The following MKKS variants were observed in gnomAD, a reference collection of about 807,000 sequenced individuals.
The protein encoded by MKKS is molecular chaperone MKKS.
A neutral mutation model predicts 33.2 loss-of-function variants in MKKS; 29 were observed. That is an observed-to-expected ratio of 0.87 (90% CI 0.65 to 1.19). The LOEUF is 1.19. Ranked by LOEUF, MKKS falls within the 50% of genes most tolerant of loss-of-function variation. The pLI is 0.00. For missense variants in MKKS, 661 were observed against 662.3 expected, an observed-to-expected ratio of 1.00 and a Z score of 0.02; for synonymous variants, 260 against 244.0, an observed-to-expected ratio of 1.07 and a Z score of -0.61.
At chr20:10,429,454 C>T (rs1170761841) in intron 1 of MKKS, among the ~76,000 whole-genome samples, 1 of 152,182 alleles carries the variant, frequency 6.6e-6, no homozygotes, top group Non-Finnish European at 1.5e-5. Context: ...CGTTCATCTC[C>T]AGCTTAGACC....
Position 10,405,333 on chromosome 20 carries a change from T to C in MKKS, c.1627A>G (p.Thr543Ala), listed in dbSNP as rs2064834059. ...SASNLTLDCL[T>A]AKLSGLQVAV... is the part of the protein sequence containing the mutation. ...ACCTGTAGGCCACTAAGCTTTGCAG[T>C]CAAACAGTCCAAGGTCAGGTTGCTG... is the stretch of plus-strand genomic sequence containing the variant. Residue 543 changes from threonine to alanine, a missense_variant, in exon 6 of 6, where the codon ACT (threonine) becomes GCT (alanine). Transcript: ENST00000347364. The C allele has an allele frequency of 6.2e-7, 1 of 1,614,138 alleles. No homozygotes were observed. The highest frequency in any genetic ancestry group is 8.5e-7 in the Non-Finnish European group (1 of 1,179,978).
intron 1 of MKKS, among the ~76,000 whole-genome samples, chr20:10,431,025 G>A (rs1002040513): frequency 8.5e-5 from 13 of 152,168 alleles, no homozygotes; most frequent in African/African-American, 3.1e-4. Context: ...TCAATGTCAT[G>A]ATCTGAAATA....
At chr20:10,414,941 T>C (rs2064926651) in intron 2 of MKKS, among the ~76,000 whole-genome samples, 1 of 152,160 alleles carries the variant, frequency 6.6e-6, no homozygotes, top group Non-Finnish European at 1.5e-5. Context: ...TTAATGACAG[T>C]ACATGCAAAA....
intron 1 of MKKS, among the ~76,000 whole-genome samples, chr20:10,430,318 A>T (rs915738815): frequency 2.0e-5 from 3 of 152,188 alleles, no homozygotes; most frequent in Non-Finnish European, 4.4e-5. Flanking sequence ...GTGGCCTTGG[A>T]TTAGTCACTT....
chr20:10,405,420 T>G lies in MKKS; in HGVS notation c.1540A>C (p.Arg514=). ...SQEELNWSFL[R]STRRPFVPQS... is the part of the protein sequence containing the mutation. ...GGCACAAATGGACGACGTGTGCTTC[T>G]TAAGAAAGACCAGTTGAGTTCTTCC... is the stretch of plus-strand genomic sequence containing the variant. Residue 514 remains arginine, a synonymous_variant, in exon 6 of 6, where the codon AGA becomes CGA. Transcript: ENST00000347364. 1 of 1,614,202 alleles carries G rather than the reference T, an allele frequency of 6.2e-7. No individual in the cohort carries two copies. The highest frequency in any genetic ancestry group is 8.5e-7 in the Non-Finnish European group (1 of 1,180,030).
At chr20:10,417,137 G>A (rs2122244984) in intron 2 of MKKS, among the ~76,000 whole-genome samples, 1 of 151,652 alleles carries the variant, frequency 6.6e-6, no homozygotes, top group South Asian at 2.1e-4. Context: ...TGTAATCCCA[G>A]TTACTCGGGA....
chr20:10,409,180 C>A (rs6104603), intron 3 of MKKS, among the ~76,000 whole-genome samples: 22,018 of 152,044 alleles, frequency 0.14, 1,789 homozygotes, highest in East Asian at 0.24. Flanking sequence ...ATTTGGATTA[C>A]GGGTGATGTG....
chr20:10,427,831 T>C (rs188361219), intron 1 of MKKS, among the ~76,000 whole-genome samples: 44 of 152,300 alleles, frequency 2.9e-4, no homozygotes, highest in African/African-American at 9.9e-4. Flanking sequence ...TGGATCATAA[T>C]TGAGTTCTAA....
rs1041799190 is a variant in MKKS at position 10,401,496 on chromosome 20, C to T, written c.*3751G>A. On this transcript the variant is annotated 3_prime_UTR_variant, in exon 6 of 6. Coordinates refer to ENST00000347364, the MANE Select transcript of MKKS (RefSeq NM_170784.3). The stretch of plus-strand genomic sequence containing the variant: ...GGGCCTTGTAGGAGATGTTTAGTCT[C>T]TTTGACTATTCCCCAAAGATTATCA... 6 of 152,110 alleles carry T rather than the reference C, an allele frequency of 3.9e-5. No individual in the cohort carries two copies. Among genetic ancestry groups the T allele is most frequent in the Admixed American group, 3.9e-4 (6 of 15,268 alleles). 9.4% of individuals were successfully genotyped at this position (152,110 alleles called of 1,614,324 possible).
rs1015205694 is a variant in MKKS, at chr20:10,402,509, T to C, written c.*2738A>G. On this transcript the variant is annotated 3_prime_UTR_variant, in exon 6 of 6. Transcript: ENST00000347364. ...TATATTTTAACGAATTTGTGATATA[T>C]TCAAAATAAGAGCATTGATGTTTCA... 4 of 152,196 alleles carry C rather than the reference T, an allele frequency of 2.6e-5. No individual in the cohort carries two copies. The highest frequency in any genetic ancestry group is 4.4e-5 in the Non-Finnish European group (3 of 68,036). The allele number at this position is 152,196 out of a possible 1,614,324, so 9.4% of individuals were successfully genotyped here.
chr20:10,407,607 C>T lies in MKKS; in HGVS notation c.1272+9G>A. 5 of 1,609,874 alleles carry T rather than the reference C, an allele frequency of 3.1e-6. No homozygotes were observed. Among genetic ancestry groups the T allele is most frequent in the Non-Finnish European group, 4.3e-6 (5 of 1,176,406 alleles). ...ATTCAGGTAATCCGAAGAGGATTAT[C>T]TTACATACCTTGTGTCTGATATATG... On this transcript the variant is annotated intron_variant, in intron 5 of 5. Coordinates refer to ENST00000347364, the MANE Select transcript of MKKS (RefSeq NM_170784.3).
At chr20:10,416,536 A>C (rs1372605293) in intron 2 of MKKS, among the ~76,000 whole-genome samples, 7 of 152,182 alleles carry the variant, frequency 4.6e-5, no homozygotes, top group Non-Finnish European at 8.8e-5. Flanking sequence ...GCAAACCCAC[A>C]GGTTCATACT....
At chr20:10,405,787 A>G (rs1401798973) in intron 5 of MKKS, 100 bp from the exon 6 acceptor site, 2 of 1,153,870 alleles carry the variant, frequency 1.7e-6, no homozygotes, top group Non-Finnish European at 2.5e-6. Context: ...TCCTAAAGTA[A>G]TTACTTACTT....
intron 1 of MKKS, among the ~76,000 whole-genome samples, chr20:10,427,081 A>ACACAC (rs1289564841): frequency 1.2e-5 from 1 of 85,700 alleles, no homozygotes. Context: ...CACACACACA[A>ACACAC]AGTAAGGTTA....
At position 10,404,941 on chromosome 20, in the gene MKKS, T is replaced by A. The variant is rs1169349997; in HGVS notation, c.*306A>T. The A allele has an allele frequency of 4.8e-6, 1 of 209,724 alleles. No individual in the cohort carries two copies. Among genetic ancestry groups the A allele is most frequent in the African/African-American group, 2.3e-5 (1 of 42,692 alleles). 13.0% of individuals were successfully genotyped at this position (209,724 alleles called of 1,614,324 possible). A position where few individuals can be genotyped will look rare whatever the true frequency, so the allele number is the denominator to read the frequency against. On this transcript the variant is annotated 3_prime_UTR_variant, in exon 6 of 6. Coordinates refer to ENST00000347364, the MANE Select transcript of MKKS (RefSeq NM_170784.3). ...TAGAGCATGGATTAGGAGTCTTTTT[T>A]ATTTGTTTGCTCTCAAAATGATGCC...
Position 10,402,060 on chromosome 20 carries a change from T to C in MKKS, c.*3187A>G, listed in dbSNP as rs1288969042. 2.0e-5 allele frequency: 3 copies of C among 152,232 alleles called. No individual in the cohort carries two copies. The highest frequency in any genetic ancestry group is 2.9e-5 in the Non-Finnish European group (2 of 68,036). The allele number at this position is 152,232 out of a possible 1,614,324, so 9.4% of individuals were successfully genotyped here. A position where few individuals can be genotyped will look rare whatever the true frequency, so the allele number is the denominator to read the frequency against. ...TAATAAGATGATAATCCTGTTGGAC[T>C]CCTATGGTTGAATAACGTTTAATGT... On this transcript the variant is annotated 3_prime_UTR_variant, in exon 6 of 6. Transcript: ENST00000347364.
intron 1 of MKKS, among the ~76,000 whole-genome samples, chr20:10,432,789 CAAAAAAAAAAAA>C (rs71184200): frequency 1.3e-5 from 1 of 74,590 alleles, no homozygotes; most frequent in East Asian, 4.3e-4. Context: ...GACTCTTTGT[CAAAAAAAAAAAA>C]AAAAAAAAAA....
chr20:10,407,996 G>A (rs893910795), intron 4 of MKKS, among the ~76,000 whole-genome samples: 1 of 152,038 alleles, frequency 6.6e-6, no homozygotes, highest in Non-Finnish European at 1.5e-5. Flanking sequence ...AAACTGAGAC[G>A]AATATATGGC....
Position 10,413,104 on chromosome 20 carries a change from A to T in MKKS, c.411T>A (p.Gly137=), listed in dbSNP as rs758948910. Residue 137 remains glycine (G), a synonymous_variant, in exon 3 of 6, where the codon GGT becomes GGA. Transcript: ENST00000347364. ...TACTAAAGTCCACTGGGATTCGACA[A>T]CCACAGGTCTCAGACTTGAGATAAC... The part of the protein sequence containing the change: ...CISYLKSETC[G]CRIPVDFSST... 1.4e-5 allele frequency: 23 copies of T among 1,614,098 alleles called. No homozygotes were observed. The highest frequency in any genetic ancestry group is 1.4e-5 in the Non-Finnish European group (17 of 1,180,046).
Sources: gnomAD v4.1 joint callset for allele counts (sites outside exome capture counted in the v4.1 genomes callset) on GRCh38, gnomAD v4.1.1 for gene constraint, MANE v1.5 for transcripts, NCBI Gene and HGNC (gene_info 2026-07-23, HGNC 2026-07-21) for gene names.